Variants in RIMS4 observed in about 807,000 individuals in gnomAD.
RIMS4 encodes regulating synaptic membrane exocytosis protein 4.
RIMS4 carries 9 observed loss-of-function variants against 29.0 expected under a neutral mutation model. That is an observed-to-expected ratio of 0.31 (90% confidence interval 0.19 to 0.54). The LOEUF is 0.54. Among genes scored for constraint, RIMS4 ranks in the 20% least tolerant of loss-of-function variants. The pLI is 0.94. For synonymous variants in RIMS4, 130 were observed against 152.9 expected, an observed-to-expected ratio of 0.85 and a Z score of 1.10; for missense variants, 193 against 365.7, an observed-to-expected ratio of 0.53 and a Z score of 3.85.
At chr20:44,809,245 A>ACTCT (rs199817023) in intron 1 of RIMS4, among the ~76,000 whole-genome samples, 1,906 of 151,782 alleles carry the variant, frequency 0.013, 12 homozygotes, top group Non-Finnish European at 0.02. Flanking sequence ...TCTTTGGGGA[A>ACTCT]CTCTCACCCA....
chr20:44,796,802 G>A (rs2066257067), intron 1 of RIMS4, among the ~76,000 whole-genome samples: 2 of 152,226 alleles, frequency 1.3e-5, no homozygotes, highest in Admixed American at 1.3e-4. Context: ...TTGCCTGGAA[G>A]GAACAAATGC....
At chr20:44,799,978 G>C (rs2066270829) in intron 1 of RIMS4, among the ~76,000 whole-genome samples, 1 of 152,194 alleles carries the variant, frequency 6.6e-6, no homozygotes, top group Non-Finnish European at 1.5e-5. Flanking sequence ...TTCGAGGCAG[G>C]ATGGGGCTAT....
At chr20:44,760,793 T>C (rs571104249) in intron 2 of RIMS4, among the ~76,000 whole-genome samples, 1 of 152,306 alleles carries the variant, frequency 6.6e-6, no homozygotes, top group South Asian at 2.1e-4. Context: ...TGAACAGTGA[T>C]TTCTGCCCTT....
intron 1 of RIMS4, among the ~76,000 whole-genome samples, chr20:44,790,557 C>T (rs550346671): frequency 1.5e-4 from 23 of 152,324 alleles, no homozygotes; most frequent in South Asian, 8.3e-4. Context: ...TATGTTTACC[C>T]GCTGCCACTC....
At chr20:44,789,705 G>A (rs2066224568) in intron 1 of RIMS4, among the ~76,000 whole-genome samples, 2 of 152,250 alleles carry the variant, frequency 1.3e-5, no homozygotes, top group Non-Finnish European at 2.9e-5. Flanking sequence ...ATAAGCACAC[G>A]CCACCACATC....
At chr20:44,802,721 C>T (rs1423416940) in intron 1 of RIMS4, among the ~76,000 whole-genome samples, 6 of 152,214 alleles carry the variant, frequency 3.9e-5, no homozygotes, top group Non-Finnish European at 8.8e-5. Context: ...TAACTTCACC[C>T]AGCTGGGGGC....
chr20:44,800,750 T>A (rs1308619242), intron 1 of RIMS4, among the ~76,000 whole-genome samples: 1 of 152,058 alleles, frequency 6.6e-6, no homozygotes, highest in Non-Finnish European at 1.5e-5. Flanking sequence ...CAGGCAGGGA[T>A]ACTGAGGCCC....
chr20:44,763,145 C>T (rs1222689914), intron 2 of RIMS4, among the ~76,000 whole-genome samples: 11 of 152,238 alleles, frequency 7.2e-5, no homozygotes, highest in Non-Finnish European at 4.4e-5. Context: ...CCAAACCCTA[C>T]AGCAGGACTT....
At chr20:44,801,737 C>T (rs1396990919) in intron 1 of RIMS4, among the ~76,000 whole-genome samples, 4 of 152,100 alleles carry the variant, frequency 2.6e-5, no homozygotes, top group African/African-American at 7.2e-5. Flanking sequence ...TGAGGGCCTA[C>T]GTGTTAAACC....
chr20:44,808,503 G>T (rs2066308911), intron 1 of RIMS4, among the ~76,000 whole-genome samples: 1 of 152,240 alleles, frequency 6.6e-6, no homozygotes, highest in South Asian at 2.1e-4. Context: ...ACTGTGTTGG[G>T]GAGCCCCCTA....
intron 1 of RIMS4, among the ~76,000 whole-genome samples, chr20:44,809,276 T>C (rs147364856): frequency 5.3e-4 from 81 of 152,188 alleles, no homozygotes; most frequent in Non-Finnish European, 8.7e-4. Context: ...CTACCCCACC[T>C]GTTGGTGGAT....
chr20:44,803,475 C>T (rs1039015186), intron 1 of RIMS4, among the ~76,000 whole-genome samples: 4 of 152,186 alleles, frequency 2.6e-5, no homozygotes, highest in East Asian at 3.9e-4. Flanking sequence ...TGGCCAGGGT[C>T]CTGGCAGCAG....
At chr20:44,783,472 A>G (rs982253220) in intron 1 of RIMS4, among the ~76,000 whole-genome samples, 22 of 151,972 alleles carry the variant, frequency 1.4e-4, no homozygotes, top group African/African-American at 5.1e-4. Flanking sequence ...AAAATACAAA[A>G]ATTAGCTGGG....
At chr20:44,784,006 TCTC>T (rs779137865) in intron 1 of RIMS4, among the ~76,000 whole-genome samples, 1 of 152,104 alleles carries the variant, frequency 6.6e-6, no homozygotes, top group Non-Finnish European at 1.5e-5. Context: ...CTTATATAAA[TCTC>T]CTTCCACTTC....
intron 1 of RIMS4, among the ~76,000 whole-genome samples, chr20:44,797,684 G>A (rs2066260822): frequency 6.6e-6 from 1 of 152,166 alleles, no homozygotes; most frequent in Admixed American, 6.6e-5. Flanking sequence ...GGAGAGCAGG[G>A]CAAGTGTCAT....
At chr20:44,787,528 C>T (rs1339703105) in intron 1 of RIMS4, among the ~76,000 whole-genome samples, 5 of 151,978 alleles carry the variant, frequency 3.3e-5, no homozygotes, top group Admixed American at 6.5e-5. Flanking sequence ...ACGGGAACAC[C>T]GGCCGCCTGG....
At chr20:44,808,845 G>A (rs530998006) in intron 1 of RIMS4, among the ~76,000 whole-genome samples, 11 of 152,168 alleles carry the variant, frequency 7.2e-5, no homozygotes, top group Non-Finnish European at 1.2e-4. Context: ...GGTCCCCAAA[G>A]ACTAAGTCTA....
chr20:44,779,693 T>C (rs1308842521), intron 1 of RIMS4, among the ~76,000 whole-genome samples: 1 of 152,246 alleles, frequency 6.6e-6, no homozygotes, highest in African/African-American at 2.4e-5. Flanking sequence ...ATATTACAAA[T>C]AGCTCTGCCA....
rs1009971582 is a variant in RIMS4 at position 44,753,507 on chromosome 20, A to G, written c.*2627T>C. 4.6e-5 allele frequency: 7 copies of G among 152,406 alleles called. No homozygotes were observed. Among genetic ancestry groups the G allele is most frequent in the Non-Finnish European group, 8.8e-5 (6 of 68,228 alleles). The allele number at this position is 152,406 out of a possible 1,614,324, so 9.4% of individuals were successfully genotyped here. ...CATGTGATCTTGGCCCAGAGATTGA[A>G]AACAGTCATCCCCTGGAGACCCCAG... On this transcript the variant is annotated 3_prime_UTR_variant, in exon 6 of 6. Coordinates refer to ENST00000372851, the MANE Select transcript of RIMS4 (RefSeq NM_182970.4).
Sources: allele counts gnomAD v4.1 joint callset (sites outside exome capture counted in the v4.1 genomes callset), GRCh38; gene constraint gnomAD v4.1.1; transcripts MANE v1.5; gene names NCBI Gene and HGNC (gene_info 2026-07-23, HGNC 2026-07-21).